GLCCI1: variants seen among roughly 807,000 people sequenced by gnomAD.
The protein encoded by GLCCI1 is glucocorticoid induced 1, also known as glucocorticoid-induced transcript 1 protein.
A neutral mutation model predicts 52.2 loss-of-function variants in GLCCI1; 24 were observed. The ratio of observed to expected loss-of-function variants is 0.46; its 90% CI spans 0.33 to 0.65. The LOEUF is 0.65. GLCCI1 is among the 30% of genes least tolerant of loss of function. The probability of loss-of-function intolerance (pLI) is 0.02; values close to 1 mark genes in which losing one functional copy is unlikely to be tolerated. For missense variants in GLCCI1, 704 were observed against 701.5 expected (o/e 1.00, Z -0.04); for synonymous variants, 310 against 276.5 (o/e 1.12, Z -1.20).
chr7:8,006,656 C>G (rs1291870253), intron 2 of GLCCI1, among the ~76,000 whole-genome samples: 1 of 152,172 alleles, frequency 6.6e-6, no homozygotes, highest in East Asian at 1.9e-4. Flanking sequence ...GAGTAAAATA[C>G]ATTTTGTCCT....
At chr7:8,046,882 C>G (rs189968922) in intron 3 of GLCCI1, among the ~76,000 whole-genome samples, 1 of 152,022 alleles carries the variant, frequency 6.6e-6, no homozygotes, top group African/African-American at 2.4e-5. Context: ...TTAGGAACTC[C>G]AGAATGTAAG....
intron 1 of GLCCI1, among the ~76,000 whole-genome samples, chr7:8,002,381 CAG>C (rs1229084920): frequency 1.3e-5 from 2 of 152,096 alleles, no homozygotes; most frequent in Non-Finnish European, 1.5e-5. Context: ...CTTTTGGTCA[CAG>C]GGAAAATTTC....
At chr7:7,992,642 T>C (rs760204593) in intron 1 of GLCCI1, among the ~76,000 whole-genome samples, 17 of 152,098 alleles carry the variant, frequency 1.1e-4, no homozygotes, top group Non-Finnish European at 1.5e-4. Context: ...TTAAAAATTA[T>C]AGTTTTTAGT....
intron 5 of GLCCI1, among the ~76,000 whole-genome samples, chr7:8,067,957 T>G (rs1399177554): frequency 6.6e-6 from 1 of 152,190 alleles, no homozygotes; most frequent in African/African-American, 2.4e-5. Flanking sequence ...CTAAGTTGCT[T>G]GCTTTCTCCT....
chr7:8,079,974 G>A (rs1391240800), intron 6 of GLCCI1, among the ~76,000 whole-genome samples: 1 of 151,454 alleles, frequency 6.6e-6, no homozygotes, highest in Admixed American at 6.6e-5. Flanking sequence ...TTCTCACAAG[G>A]TGTTAACTTT....
chr7:8,031,312 T>C (rs1408069141), intron 3 of GLCCI1, among the ~76,000 whole-genome samples: 2 of 152,152 alleles, frequency 1.3e-5, no homozygotes, highest in African/African-American at 2.4e-5. Flanking sequence ...AAACATTGCA[T>C]GTTCTCAGTC....
rs1783051513 is a variant in GLCCI1, at chr7:8,084,162, A to G, written c.1178-735A>G. On this transcript the variant is annotated intron_variant, in intron 6 of 7. Coordinates refer to ENST00000223145, the MANE Select transcript of GLCCI1 (RefSeq NM_138426.4). ...GAATTTCCAAAATCTCTTGCCAGGT[A>G]GGAAAGGGAGAAATTGCATATGGGT... 5.3e-5 allele frequency among the ~76,000 whole-genome samples: 8 copies of G among 152,320 alleles called. No homozygotes were observed. The South Asian group carries it at 1.7e-3, about 32-fold the overall frequency.
chr7:7,974,553 G>C (rs1331451615), intron 1 of GLCCI1, among the ~76,000 whole-genome samples: 2 of 152,254 alleles, frequency 1.3e-5, no homozygotes, highest in East Asian at 3.9e-4. Flanking sequence ...TGTTTTACTT[G>C]TGATAAGTCA....
chr7:8,011,643 TC>T (rs2115433069), intron 2 of GLCCI1, among the ~76,000 whole-genome samples: 1 of 152,308 alleles, frequency 6.6e-6, no homozygotes, highest in East Asian at 1.9e-4. Context: ...GGCTTTCAGT[TC>T]TTTTGTATAT....
At chr7:8,015,799 C>T (rs1156562004) in intron 2 of GLCCI1, among the ~76,000 whole-genome samples, 1 of 152,128 alleles carries the variant, frequency 6.6e-6, no homozygotes, top group Non-Finnish European at 1.5e-5. Context: ...AATTTTAATA[C>T]GTTATGTGTT....
intron 3 of GLCCI1, among the ~76,000 whole-genome samples, chr7:8,039,475 A>G (rs1474931480): frequency 6.6e-6 from 1 of 152,216 alleles, no homozygotes; most frequent in Non-Finnish European, 1.5e-5. Flanking sequence ...GAATGAAATC[A>G]TGTCTTTTGT....
chr7:7,988,605 A>G (rs1432553111), intron 1 of GLCCI1, among the ~76,000 whole-genome samples: 3 of 152,126 alleles, frequency 2.0e-5, no homozygotes, highest in Admixed American at 6.6e-5. Context: ...AAAATAACCA[A>G]ATGTCATTAA....
At chr7:7,974,756 A>G (rs1780427921) in intron 1 of GLCCI1, among the ~76,000 whole-genome samples, 2 of 152,168 alleles carry the variant, frequency 1.3e-5, no homozygotes, top group Non-Finnish European at 2.9e-5. Context: ...AGTATAGTCT[A>G]ATGACTTAGT....
At chr7:8,031,342 C>CAA (rs1363504099) in intron 3 of GLCCI1, among the ~76,000 whole-genome samples, 2 of 151,836 alleles carry the variant, frequency 1.3e-5, no homozygotes, top group African/African-American at 2.4e-5. Context: ...ATATAAAAAT[C>CAA]AAAACAATAG....
At position 7,969,853 on chromosome 7, in the gene GLCCI1, C is replaced by T; in HGVS notation, c.457+46C>T. The T allele has an allele frequency of 7.4e-7, 1 of 1,344,620 alleles. No individual in the cohort carries two copies. The allele number at this position is 1,344,620 out of a possible 1,614,324, so 83.3% of individuals were successfully genotyped here. On this transcript the variant is annotated intron_variant, in intron 1 of 7. Transcript: ENST00000223145. The surrounding 1 kb of genome is among the most constrained non-coding windows in gnomAD (Gnocchi z 4.9). ...GTCCTCCCGGGCTGCGTCTCCCCGA[C>T]GGTGCCCTCCGTGGAAACTTCAGCC... is the stretch of plus-strand genomic sequence containing the variant.
intron 6 of GLCCI1, among the ~76,000 whole-genome samples, chr7:8,074,876 T>C (rs1782843437): frequency 6.6e-6 from 1 of 152,190 alleles, no homozygotes; most frequent in Non-Finnish European, 1.5e-5. Context: ...CTACATGTTC[T>C]GCAGTTGCTG....
At position 8,022,523 on chromosome 7, in the gene GLCCI1, C is replaced by T. The variant is rs766390857; in HGVS notation, c.650C>T (p.Ser217Leu). The T allele has an allele frequency of 6.3e-7, 1 of 1,587,760 alleles. No homozygotes were observed. The highest frequency in any genetic ancestry group is 8.6e-7 in the Non-Finnish European group (1 of 1,165,678). ...CWAEEGAEKRSHQRSASWGSA... is the reference protein window; with the variant it reads ...CWAEEGAEKRLHQRSASWGSA... ...GCAGAAGAGGGTGCAGAAAAGAGGT[C>T]ACATCAGCGTTCTGCGTCATGGGGG... Residue 217 changes from serine to leucine, a missense_variant, in exon 3 of 8, where the codon TCA becomes TTA. Coordinates refer to ENST00000223145, the MANE Select transcript of GLCCI1 (RefSeq NM_138426.4).
At chr7:8,022,637 A>AT (rs1781519798) in intron 3 of GLCCI1, 68 bp downstream of exon 3, 1 of 874,336 alleles carries the variant, frequency 1.1e-6, no homozygotes, top group African/African-American at 1.8e-5. Context: ...TATTTCCTGA[A>AT]TGTAATGACA....
chr7:7,984,878 AATG>A (rs1273502654), intron 1 of GLCCI1, among the ~76,000 whole-genome samples: 1 of 152,242 alleles, frequency 6.6e-6, no homozygotes, highest in Non-Finnish European at 1.5e-5. Flanking sequence ...CATATATGCT[AATG>A]ATTTTCTCAC....
Sources: gnomAD v4.1 joint callset for allele counts (sites outside exome capture counted in the v4.1 genomes callset) on GRCh38, gnomAD v4.1.1 for gene constraint, Gnocchi (gnomAD v3.1) non-coding constraint, MANE v1.5 for transcripts, NCBI Gene and HGNC (gene_info 2026-07-23, HGNC 2026-07-21) for gene names.